ITSN2: variants seen among roughly 807,000 people sequenced by gnomAD.
The protein encoded by ITSN2 is intersectin 2.
ITSN2 carries 156 observed loss-of-function variants against 243.7 expected under a neutral mutation model. That is an observed-to-expected ratio of 0.64 (90% CI 0.56 to 0.73). The LOEUF (loss-of-function observed/expected upper bound fraction) is 0.73. Among genes scored for constraint, ITSN2 ranks in the 30% least tolerant of loss-of-function variants. The probability of loss-of-function intolerance (pLI) is 0.00; values close to 1 mark genes in which losing one functional copy is unlikely to be tolerated. For synonymous variants in ITSN2, 703 were observed against 699.9 expected (o/e 1.00, Z -0.07); for missense variants, 1,801 against 1,996.1 (o/e 0.90, Z 1.86).
intron 17 of ITSN2, among the ~76,000 whole-genome samples, chr2:24,281,614 G>T (rs1678788327): frequency 6.6e-6 from 1 of 152,112 alleles, no homozygotes; most frequent in African/African-American, 2.4e-5. Context: ...ACACAATTAG[G>T]CATACTGTTT....
intron 29 of ITSN2, among the ~76,000 whole-genome samples, chr2:24,222,675 T>C (rs1289510340): frequency 1.0e-4 from 14 of 136,432 alleles, no homozygotes; most frequent in East Asian, 2.1e-4. Context: ...TTTCTTTTTT[T>C]TTTTTTTTTT....
At chr2:24,272,424 CTTTTTTT>C (rs528083155) in intron 18 of ITSN2, among the ~76,000 whole-genome samples, 3 of 123,432 alleles carry the variant, frequency 2.4e-5, no homozygotes, top group Non-Finnish European at 5.1e-5. Context: ...AAACAACCTA[CTTTTTTT>C]TTTTTTTTTT....
intron 8 of ITSN2, among the ~76,000 whole-genome samples, chr2:24,304,435 A>G (rs1682217097): frequency 6.6e-6 from 1 of 152,272 alleles, no homozygotes; most frequent in African/African-American, 2.4e-5. Context: ...GCAACCATGT[A>G]TTACAACATG....
chr2:24,276,298 T>G (rs1432098825), intron 17 of ITSN2, among the ~76,000 whole-genome samples: 1 of 152,212 alleles, frequency 6.6e-6, no homozygotes, highest in East Asian at 1.9e-4. Flanking sequence ...AATAATTTAG[T>G]TCAAAACTAA....
chr2:24,294,259 C>G (rs1401609621), intron 14 of ITSN2, among the ~76,000 whole-genome samples: 6 of 152,176 alleles, frequency 3.9e-5, no homozygotes, highest in Non-Finnish European at 8.8e-5. Flanking sequence ...AACCCCGTCT[C>G]CACGAAAAAC....
At chr2:24,336,069 G>A (rs534118903) in intron 1 of ITSN2, among the ~76,000 whole-genome samples, 4 of 151,450 alleles carry the variant, frequency 2.6e-5, no homozygotes, top group East Asian at 2.0e-4. Flanking sequence ...GTGGAACCCC[G>A]TCTCTACTAA....
At chr2:24,295,001 C>T (rs1680753653) in intron 14 of ITSN2, among the ~76,000 whole-genome samples, 1 of 152,320 alleles carries the variant, frequency 6.6e-6, no homozygotes, top group East Asian at 1.9e-4. Context: ...TGATCTTGGA[C>T]TTCTCAGTCT....
At chr2:24,252,999 A>G (rs72855412) in intron 24 of ITSN2, among the ~76,000 whole-genome samples, 20,244 of 152,230 alleles carry the variant, frequency 0.13, 1,913 homozygotes, top group African/African-American at 0.27. Flanking sequence ...CAGCACTAGA[A>G]GCCAAGCTCC....
At chr2:24,285,704 G>A (rs1679413255) in intron 16 of ITSN2, among the ~76,000 whole-genome samples, 1 of 152,308 alleles carries the variant, frequency 6.6e-6, no homozygotes, top group South Asian at 2.1e-4. Context: ...GGCAAACAAT[G>A]AATCATTAAC....
At chr2:24,360,148 G>A (rs1488176340) in intron 1 of ITSN2, among the ~76,000 whole-genome samples, 156 bp downstream of exon 1, 1 of 152,068 alleles carries the variant, frequency 6.6e-6, no homozygotes, top group Non-Finnish European at 1.5e-5. Context: ...GCCCGCCAGG[G>A]GCCTAGCTCG....
Position 24,258,053 on chromosome 2 carries a change from G to C in ITSN2, c.2723C>G (p.Ser908Cys), listed in dbSNP as rs1204348602. 6.2e-7 allele frequency: 1 copy of C among 1,614,046 alleles called. No individual in the cohort carries two copies. The highest frequency in any genetic ancestry group is 8.5e-7 in the Non-Finnish European group (1 of 1,179,974). Residue 908 changes from serine (S) to cysteine (C), a missense_variant, in exon 23 of 40, where the codon TCC becomes TGC. Ser to Cys is a moderately radical substitution (Grantham distance 112). Transcript: ENST00000355123. ...GTGGTTATCTTTCTTTGCAGTCCAG[G>C]AACAAAGGGCCTGTGCTTTTAAGTT... ...VENLKAQALC[S>C]WTAKKDNHLN...
chr2:24,293,114 G>C (rs1032021858), intron 15 of ITSN2: 11 of 152,130 alleles, frequency 7.2e-5, no homozygotes, highest in Admixed American at 7.2e-4. Context: ...ATTGGGACCT[G>C]AGCAAAAACA....
chr2:24,288,905 A>C (rs377324611), intron 15 of ITSN2, among the ~76,000 whole-genome samples: 18 of 152,148 alleles, frequency 1.2e-4, no homozygotes, highest in African/African-American at 4.3e-4. Context: ...AAATAAATGA[A>C]ATCATACCGT....
intron 32 of ITSN2, among the ~76,000 whole-genome samples, chr2:24,213,546 T>C (rs1415795535): frequency 6.6e-6 from 1 of 152,238 alleles, no homozygotes; most frequent in East Asian, 1.9e-4. Context: ...ATCTTCGTGC[T>C]TCTTATTTCC....
At position 24,246,820 on chromosome 2, in the gene ITSN2, CTT is replaced by C. The variant is rs1179916140; in HGVS notation, c.3360_3361del (p.Arg1121SerfsTer16). On this transcript the variant is annotated frameshift_variant, in exon 28 of 40. Coordinates refer to ENST00000355123, the MANE Select transcript of ITSN2 (RefSeq NM_006277.3). LOFTEE classifies it high-confidence loss of function. Reference sequence around the variant, plus strand: ...ACCAGGATGAAAGGCAGGTGTGGCTCTTTCACTACTTGGACCCAAAAGTTTAA... The same window carrying C: ...ACCAGGATGAAAGGCAGGTGTGGCTCTCACTACTTGGACCCAAAAGTTTAA... 4 of 1,611,448 alleles carry C rather than the reference CTT, an allele frequency of 2.5e-6. No individual in the cohort carries two copies.
chr2:24,355,143 C>T (rs1255356184), intron 1 of ITSN2, among the ~76,000 whole-genome samples: 5 of 152,148 alleles, frequency 3.3e-5, no homozygotes. Flanking sequence ...TACCTATATT[C>T]ACACTTTACC....
Position 24,268,240 on chromosome 2 carries a change from C to T in ITSN2, c.2355+2431G>A, listed in dbSNP as rs1481713524. 5.3e-5 allele frequency among the ~76,000 whole-genome samples: 8 copies of T among 152,206 alleles called. 1 individual carries two copies. The South Asian group carries it at 1.0e-3, about 20-fold the overall frequency. On this transcript the variant is annotated intron_variant, in intron 20 of 39. Transcript: ENST00000355123. ...TCCTTTTCACTTTCAATGAAACCTC[C>T]GGTAACACCCTCATCCATTAAGTTG...
chr2:24,210,893 G>A lies in ITSN2; in HGVS notation c.4144C>T (p.Leu1382Phe). 1 of 1,614,192 alleles carries A rather than the reference G, an allele frequency of 6.2e-7. No individual in the cohort carries two copies. The change falls in exon 34 of 40, where the codon CTC (leucine) becomes TTC (phenylalanine). Residue 1382 changes from leucine (L) to phenylalanine (F), a missense_variant. Physicochemically the swap from Leu to Phe is conservative, Grantham distance 22 (BLOSUM62 0). This residue lies in a region of ITSN2 where 928 missense variants were observed against 1,065.4 expected (regional missense o/e 0.87). Transcript: ENST00000355123. Reference protein sequence around the residue: ...HADHSSLKLALERAEELCSQV... With the variant: ...HADHSSLKLAFERAEELCSQV... ...GAGCACAGCTCCTCTGCCCGCTCGA[G>A]GGCCAGCTTTAGGGAGGAATGGTCT...
chr2:24,326,467 T>C (rs1272201263), intron 2 of ITSN2, among the ~76,000 whole-genome samples: 5 of 152,364 alleles, frequency 3.3e-5, no homozygotes, highest in African/African-American at 1.2e-4. Context: ...ATTCAACTGT[T>C]TAATGCAAAT....
Sources: gnomAD v4.1 joint callset for allele counts (sites outside exome capture counted in the v4.1 genomes callset) on GRCh38, gnomAD v4.1.1 for gene constraint, gnomAD v4.1.1 regional missense constraint, MANE v1.5 for transcripts, NCBI Gene and HGNC (gene_info 2026-07-23, HGNC 2026-07-21) for gene names.